The following CSMD1 variants were observed in gnomAD, a reference collection of about 807,000 sequenced individuals.
CSMD1 encodes the protein CUB and sushi domain-containing protein 1.
Under a neutral mutation model 417.5 loss-of-function variants are expected in CSMD1, and 213 were observed. The observed-to-expected ratio is 0.51, with a 90% CI of 0.46 to 0.57. The LOEUF (loss-of-function observed/expected upper bound fraction) is 0.57, where lower values mean the gene tolerates loss of function less well. Among genes scored for constraint, CSMD1 ranks in the 20% least tolerant of loss-of-function variants. The probability of loss-of-function intolerance (pLI) is 0.00; values close to 1 mark genes in which losing one functional copy is unlikely to be tolerated. For synonymous variants in CSMD1, 2,862 were observed against 1,736.8 expected, an observed-to-expected ratio of 1.65 and a Z score of -16.11; for missense variants, 6,923 against 4,529.7, an observed-to-expected ratio of 1.53 and a Z score of -15.17.
chr8:4,683,584 G>A (rs565242975), intron 1 of CSMD1, among the ~76,000 whole-genome samples: 12 of 152,300 alleles, frequency 7.9e-5, no homozygotes, highest in African/African-American at 2.9e-4. Flanking sequence ...TGTTGGTAGT[G>A]GAGCCAGAAA....
intron 1 of CSMD1, among the ~76,000 whole-genome samples, chr8:4,714,007 T>G (rs1341789695): frequency 1.3e-5 from 2 of 152,052 alleles, no homozygotes; most frequent in African/African-American, 4.8e-5. Flanking sequence ...TAGCCAAGCA[T>G]GGTGGCAGGT....
In CSMD1 at chr8:2,998,201, C is replaced by A. The variant is rs550401325; in HGVS notation, c.8204-17G>T. 7 of 1,612,362 alleles carry A rather than the reference C, an allele frequency of 4.3e-6. No homozygotes were observed. The African/African-American group carries it at 9.3e-5, about 22-fold the overall frequency. ...ATGTGATGGCTGTAGAGAGACAGGT[C>A]AACGTCATTGTTAAATATTGAACAG... On this transcript the variant is annotated splice_polypyrimidine_tract_variant and intron_variant, in intron 53 of 69. Coordinates refer to ENST00000635120, the MANE Select transcript of CSMD1 (RefSeq NM_033225.6).
intron 8 of CSMD1, among the ~76,000 whole-genome samples, chr8:3,607,821 G>T (rs1249348665): frequency 6.6e-6 from 1 of 152,164 alleles, no homozygotes; most frequent in Non-Finnish European, 1.5e-5. Context: ...AATCAGCATG[G>T]CTGGTGTTGG....
At chr8:2,984,501 A>G (rs1805696619) in intron 54 of CSMD1, among the ~76,000 whole-genome samples, 1 of 152,164 alleles carries the variant, frequency 6.6e-6, no homozygotes, top group Admixed American at 6.5e-5. Flanking sequence ...GGCATCCGCC[A>G]CCATGCTCGG....
At chr8:3,356,398 C>T (rs1460445445) in intron 21 of CSMD1, among the ~76,000 whole-genome samples, 3 of 152,278 alleles carry the variant, frequency 2.0e-5, no homozygotes, top group Non-Finnish European at 2.9e-5. Context: ...AACTTGAGGC[C>T]GGGCACTGTG....
intron 25 of CSMD1, among the ~76,000 whole-genome samples, chr8:3,295,716 T>C (rs2117306891): frequency 6.6e-6 from 1 of 152,292 alleles, no homozygotes; most frequent in East Asian, 1.9e-4. Flanking sequence ...TTTTATTATA[T>C]CTTTAGGAAT....
At chr8:4,845,572 A>G (rs771720769) in intron 1 of CSMD1, among the ~76,000 whole-genome samples, 30 of 152,242 alleles carry the variant, frequency 2.0e-4, no homozygotes, top group Non-Finnish European at 3.4e-4. Flanking sequence ...TAGAATTTCT[A>G]TAGTCAACCA....
chr8:4,650,637 C>T (rs10102231), intron 1 of CSMD1, among the ~76,000 whole-genome samples: 38,176 of 148,288 alleles, frequency 0.26, 5,374 homozygotes, highest in East Asian at 0.45. Flanking sequence ...GACAGCCTTT[C>T]GAGTCTGTGG....
At chr8:4,426,647 A>T (rs1333770777) in intron 2 of CSMD1, among the ~76,000 whole-genome samples, 2 of 146,162 alleles carry the variant, frequency 1.4e-5, no homozygotes, top group Non-Finnish European at 3.0e-5. Flanking sequence ...ATATTTTGTT[A>T]TTCATATTTT....
At chr8:3,783,135 G>T (rs1799269284) in intron 5 of CSMD1, among the ~76,000 whole-genome samples, 1 of 152,104 alleles carries the variant, frequency 6.6e-6, no homozygotes, top group Admixed American at 6.6e-5. Flanking sequence ...TATCCAGAAG[G>T]AGATTATTTT....
intron 7 of CSMD1, among the ~76,000 whole-genome samples, chr8:3,694,088 G>C (rs1210700934): frequency 2.0e-5 from 3 of 151,716 alleles, no homozygotes; most frequent in African/African-American, 7.3e-5. Context: ...GGAGTGTTAT[G>C]TGTTGTGTGT....
chr8:3,480,333 GC>G (rs775473577), intron 11 of CSMD1, among the ~76,000 whole-genome samples: 1 of 152,136 alleles, frequency 6.6e-6, no homozygotes, highest in Non-Finnish European at 1.5e-5. Flanking sequence ...CTGCACTCCA[GC>G]CCCCTGGAGC....
intron 2 of CSMD1, among the ~76,000 whole-genome samples, chr8:4,543,822 A>G (rs1217935994): frequency 6.6e-6 from 1 of 151,992 alleles, no homozygotes; most frequent in Non-Finnish European, 1.5e-5. Context: ...AATTTTAACC[A>G]TTCTACTAGG....
At chr8:4,276,677 T>C (rs1796506095) in intron 3 of CSMD1, among the ~76,000 whole-genome samples, 1 of 152,194 alleles carries the variant, frequency 6.6e-6, no homozygotes, top group South Asian at 2.1e-4. Flanking sequence ...GGTCATTGAT[T>C]CAGGAAACGA....
rs1465285609 is a variant in CSMD1 at position 3,488,483 on chromosome 8, T to C, written c.1448+5140A>G. On this transcript the variant is annotated intron_variant, in intron 11 of 69. Coordinates refer to ENST00000635120, the MANE Select transcript of CSMD1 (RefSeq NM_033225.6). ...ATGTATCTGGAAGATAGTATGCTTC[T>C]TGCAGTATAAAATGTAATACAAAAT... Among the ~76,000 whole-genome samples the C allele has an allele frequency of 3.3e-5, 5 of 152,328 alleles. No individual in the cohort carries two copies. The East Asian group carries it at 7.7e-4, about 23-fold the overall frequency.
intron 5 of CSMD1, among the ~76,000 whole-genome samples, chr8:3,837,688 T>G (rs1802799888): frequency 1.3e-5 from 2 of 152,112 alleles, no homozygotes; most frequent in Non-Finnish European, 2.9e-5. Flanking sequence ...TGCTCTTGAG[T>G]AGGAAGAGTA....
intron 3 of CSMD1, among the ~76,000 whole-genome samples, chr8:4,335,968 C>T (rs1276930417): frequency 1.3e-5 from 2 of 152,130 alleles, no homozygotes; most frequent in East Asian, 1.9e-4. Context: ...CTCACAGATA[C>T]ATGAGACTAT....
intron 9 of CSMD1, among the ~76,000 whole-genome samples, chr8:3,582,095 A>G (rs1197467890): frequency 6.6e-6 from 1 of 152,114 alleles, no homozygotes; most frequent in East Asian, 1.9e-4. Flanking sequence ...GCGCTGGCCA[A>G]TGCTGTCTTT....
chr8:3,715,895 C>T (rs567883668), intron 6 of CSMD1, among the ~76,000 whole-genome samples: 3 of 152,290 alleles, frequency 2.0e-5, no homozygotes, highest in Admixed American at 2.0e-4. Flanking sequence ...GGAATCTTTC[C>T]CTCCACATTC....
Sources: allele counts gnomAD v4.1 joint callset (sites outside exome capture counted in the v4.1 genomes callset), GRCh38; gene constraint gnomAD v4.1.1; transcripts MANE v1.5; gene names NCBI Gene and HGNC (gene_info 2026-07-23, HGNC 2026-07-21).